Variants in TBC1D1 observed in about 807,000 individuals in gnomAD.
TBC1D1 encodes the protein TBC1 domain family member 1, also known as TBC1 (tre-2/USP6, BUB2, cdc16) domain family, member 1.
TBC1D1 carries 89 observed loss-of-function variants against 125.6 expected under a neutral mutation model. That is an observed-to-expected ratio of 0.71 (90% CI 0.60 to 0.85). The LOEUF (loss-of-function observed/expected upper bound fraction) is 0.85. Among genes scored for constraint, TBC1D1 ranks in the 40% least tolerant of loss-of-function variants. The pLI is 0.00. For synonymous variants in TBC1D1, 565 were observed against 564.1 expected, an observed-to-expected ratio of 1.00 and a Z score of -0.02; for missense variants, 1,377 against 1,469.2, an observed-to-expected ratio of 0.94 and a Z score of 1.03.
intron 11 of TBC1D1, among the ~76,000 whole-genome samples, chr4:38,050,811 C>T (rs1022388697): frequency 6.6e-6 from 1 of 152,182 alleles, no homozygotes; most frequent in Admixed American, 6.5e-5. Flanking sequence ...GAAGTGTGAG[C>T]ATTAACAGTC....
intron 17 of TBC1D1, among the ~76,000 whole-genome samples, chr4:38,123,814 G>A (rs982055321): frequency 1.3e-5 from 2 of 152,222 alleles, no homozygotes; most frequent in African/African-American, 2.4e-5. Context: ...CCCAGCCAGC[G>A]GGCTCCTGGG....
chr4:37,911,326 C>T (rs1718591728), intron 2 of TBC1D1, among the ~76,000 whole-genome samples: 2 of 152,092 alleles, frequency 1.3e-5, no homozygotes, highest in Non-Finnish European at 2.9e-5. Flanking sequence ...AATACCTTTC[C>T]TCCCTTTGGA....
At chr4:38,032,693 G>A (rs1391616818) in intron 7 of TBC1D1, among the ~76,000 whole-genome samples, 4 of 151,986 alleles carry the variant, frequency 2.6e-5, no homozygotes, top group African/African-American at 9.7e-5. Context: ...AAATTAGCTG[G>A]GTGTGATGGC....
At chr4:38,025,357 G>T (rs1744867710) in intron 6 of TBC1D1, among the ~76,000 whole-genome samples, 1 of 152,214 alleles carries the variant, frequency 6.6e-6, no homozygotes, top group Non-Finnish European at 1.5e-5. Flanking sequence ...GGGAACTGAA[G>T]GGTGCTTTCA....
chr4:37,905,025 C>G (rs894354742), intron 2 of TBC1D1, among the ~76,000 whole-genome samples: 1 of 152,192 alleles, frequency 6.6e-6, no homozygotes, highest in African/African-American at 2.4e-5. Flanking sequence ...CCAGAGAAGA[C>G]ATATGCATTT....
At chr4:37,937,336 C>T (rs952114220) in intron 2 of TBC1D1, among the ~76,000 whole-genome samples, 1 of 152,172 alleles carries the variant, frequency 6.6e-6, no homozygotes, top group African/African-American at 2.4e-5. Flanking sequence ...CCTAAGAAGA[C>T]GGTCGTTCAA....
chr4:37,953,059 T>C (rs1420051807), intron 2 of TBC1D1, among the ~76,000 whole-genome samples: 8 of 152,232 alleles, frequency 5.3e-5, no homozygotes, highest in Admixed American at 2.6e-4. Context: ...TTGGAATCCA[T>C]ATGCATTAGC....
chr4:38,006,247 G>A (rs1334660681), intron 2 of TBC1D1, among the ~76,000 whole-genome samples: 3 of 151,876 alleles, frequency 2.0e-5, no homozygotes, highest in East Asian at 1.9e-4. Context: ...AGAGAATTAG[G>A]TAAACCTTAT....
At chr4:37,989,355 C>A (rs931223000) in intron 2 of TBC1D1, among the ~76,000 whole-genome samples, 1 of 152,172 alleles carries the variant, frequency 6.6e-6, no homozygotes, top group Non-Finnish European at 1.5e-5. Context: ...TGACTTGCAA[C>A]CTCCCCTCCA....
chr4:38,123,852 A>G (rs1322290573), intron 17 of TBC1D1, among the ~76,000 whole-genome samples: 2 of 152,234 alleles, frequency 1.3e-5, no homozygotes, highest in African/African-American at 4.8e-5. Context: ...TGCTTTGTTC[A>G]GAAACTACAG....
At chr4:37,947,718 A>G (rs1239138190) in intron 2 of TBC1D1, among the ~76,000 whole-genome samples, 1 of 152,184 alleles carries the variant, frequency 6.6e-6, no homozygotes. Context: ...ACGCAAACTA[A>G]TGTTTAGTCA....
At chr4:37,923,838 C>T (rs1283542834) in intron 2 of TBC1D1, among the ~76,000 whole-genome samples, 1 of 152,002 alleles carries the variant, frequency 6.6e-6, no homozygotes, top group Non-Finnish European at 1.5e-5. Flanking sequence ...CACCACTATG[C>T]CCAGCTAATT....
intron 19 of TBC1D1, among the ~76,000 whole-genome samples, chr4:38,136,180 C>G (rs1766574475): frequency 6.6e-6 from 1 of 152,154 alleles, no homozygotes; most frequent in Non-Finnish European, 1.5e-5. Flanking sequence ...ACCTGGGAAG[C>G]AAGCCTGCCA....
intron 17 of TBC1D1, chr4:38,120,015 C>T: frequency 1.0e-6 from 1 of 985,422 alleles, no homozygotes; most frequent in Non-Finnish European, 1.2e-6. Flanking sequence ...GCAGACTCCA[C>T]TTTGGAAATG....
intron 2 of TBC1D1, among the ~76,000 whole-genome samples, chr4:37,911,576 CG>C (rs1718650382): frequency 6.6e-6 from 1 of 152,060 alleles, no homozygotes; most frequent in African/African-American, 2.4e-5. Flanking sequence ...CTTTCCTGGC[CG>C]CTTTTATTCT....
At chr4:38,048,514 T>C (rs920180011) in intron 10 of TBC1D1, among the ~76,000 whole-genome samples, 5 of 151,926 alleles carry the variant, frequency 3.3e-5, no homozygotes, top group Non-Finnish European at 7.4e-5. Flanking sequence ...TAAATGTATG[T>C]AACTTCTCCC....
intron 11 of TBC1D1, 126 bp downstream of exon 12, chr4:38,052,186 TGTGTGTGTGC>T (rs1452538773): frequency 3.1e-4 from 188 of 600,872 alleles, no homozygotes; most frequent in East Asian, 6.3e-4. Context: ...TGTGTGTGTG[TGTGTGTGTGC>T]GCGCGCGTGT....
At chr4:38,064,468 G>C (rs1227410791) in intron 12 of TBC1D1, among the ~76,000 whole-genome samples, 1 of 152,150 alleles carries the variant, frequency 6.6e-6, no homozygotes, top group African/African-American at 2.4e-5. Flanking sequence ...CTTCTGCCTA[G>C]GCTGAAACGG....
intron 17 of TBC1D1, among the ~76,000 whole-genome samples, chr4:38,120,691 C>T (rs1034553978): frequency 7.2e-5 from 11 of 152,206 alleles, no homozygotes; most frequent in Non-Finnish European, 1.6e-4. Context: ...TCACATGATA[C>T]TCACACCTTG....
Sources: allele counts gnomAD v4.1 joint callset (sites outside exome capture counted in the v4.1 genomes callset), GRCh38; gene constraint gnomAD v4.1.1; transcripts MANE v1.5; gene names NCBI Gene and HGNC (gene_info 2026-07-23, HGNC 2026-07-21).